HUNK: variants seen among roughly 807,000 people sequenced by gnomAD.
The protein encoded by HUNK is hormonally up-regulated Neu-associated kinase.
In HUNK, 21 loss-of-function variants were observed where a neutral mutation model predicts 61.0. The observed-to-expected ratio is 0.34, with a 90% CI of 0.24 to 0.50. The LOEUF (loss-of-function observed/expected upper bound fraction) is 0.50. Among genes scored for constraint, HUNK ranks in the 20% least tolerant of loss-of-function variants. The probability of loss-of-function intolerance (pLI) is 0.98; values close to 1 mark genes in which losing one functional copy is unlikely to be tolerated. For missense variants in HUNK, 772 were observed against 945.7 expected, an observed-to-expected ratio of 0.82 and a Z score of 2.41; for synonymous variants, 371 against 386.1, an observed-to-expected ratio of 0.96 and a Z score of 0.46.
At chr21:31,965,598 T>TTC (rs1555880361) in intron 5 of HUNK, among the ~76,000 whole-genome samples, 5 of 148,606 alleles carry the variant, frequency 3.4e-5, no homozygotes, top group African/African-American at 1.3e-4. Context: ...GTTTTTCTTT[T>TTC]TTTTTTTTTT....
intron 1 of HUNK, among the ~76,000 whole-genome samples, chr21:31,908,115 G>A (rs1052504333): frequency 1.3e-5 from 2 of 152,058 alleles, no homozygotes; most frequent in African/African-American, 4.8e-5. Context: ...TTGTATAAAA[G>A]CATTTAAAGA....
In HUNK at chr21:31,873,497, G is replaced by C. The variant is rs950917434; in HGVS notation, c.-178G>C. 1.2e-5 allele frequency: 4 copies of C among 334,518 alleles called. No homozygotes were observed. Among genetic ancestry groups the C allele is most frequent in the African/African-American group, 8.9e-5 (4 of 44,732 alleles). The allele number at this position is 334,518 out of a possible 1,614,324, so 20.7% of individuals were successfully genotyped here. A position where few individuals can be genotyped will look rare whatever the true frequency, so the allele number is the denominator to read the frequency against. ...CCTGGGCAGCCGCTATTGTCTACGC[G>C]CCTCGCTGGGCGGCGCGGGGGGCGT... On this transcript the variant is annotated 5_prime_UTR_variant, in exon 1 of 11. Coordinates refer to ENST00000270112, the MANE Select transcript of HUNK (RefSeq NM_014586.2). This position sits in a 1 kb window ranked among gnomAD's most constrained non-coding sequence, Gnocchi z 6.1.
intron 7 of HUNK, among the ~76,000 whole-genome samples, chr21:31,977,030 C>T (rs1440164509): frequency 6.6e-6 from 1 of 152,112 alleles, no homozygotes; most frequent in Non-Finnish European, 1.5e-5. Flanking sequence ...CTTGGCCTCC[C>T]AAAGTGCTAG....
At chr21:31,922,043 T>G (rs377345039) in intron 1 of HUNK, among the ~76,000 whole-genome samples, 2 of 152,042 alleles carry the variant, frequency 1.3e-5, no homozygotes, top group African/African-American at 4.8e-5. Context: ...TGAGATGGAG[T>G]TTTGTTCTTG....
intron 3 of HUNK, among the ~76,000 whole-genome samples, chr21:31,943,678 A>T (rs115367575): frequency 4.9e-4 from 75 of 152,330 alleles, no homozygotes; most frequent in African/African-American, 1.7e-3. Context: ...GCTCAAGATA[A>T]GGCCAGACTG....
intron 2 of HUNK, among the ~76,000 whole-genome samples, chr21:31,932,752 C>T (rs1041231502): frequency 2.0e-5 from 3 of 152,012 alleles, no homozygotes; most frequent in African/African-American, 7.2e-5. Flanking sequence ...CACTGTCTCT[C>T]TAGTGGCCTC....
At chr21:31,997,648 A>G (rs1195201307) in intron 10 of HUNK, among the ~76,000 whole-genome samples, 1 of 152,224 alleles carries the variant, frequency 6.6e-6, no homozygotes, top group Non-Finnish European at 1.5e-5. Flanking sequence ...TTGATTCTAC[A>G]ACAGTGTGAA....
At chr21:31,939,399 GTTTTTTTTTTTT>G (rs398036365) in intron 2 of HUNK, among the ~76,000 whole-genome samples, 2 of 66,720 alleles carry the variant, frequency 3.0e-5, no homozygotes, top group Admixed American at 3.4e-4. Context: ...GCTTTCATGT[GTTTTTTTTTTTT>G]TTTTTTTTTT....
intron 1 of HUNK, among the ~76,000 whole-genome samples, chr21:31,910,714 C>T (rs529227296): frequency 1.3e-5 from 2 of 152,242 alleles, no homozygotes; most frequent in African/African-American, 4.8e-5. Context: ...GTCTCGAACT[C>T]CCAACCTCAG....
chr21:32,002,767 C>T lies in HUNK; in HGVS notation c.*3583C>T, dbSNP rs894849975. ...GCTTCCTTCATAACTGTTCACAAAACGTTTTTCATATATACCACCTTGTTT... is the reference window on the plus strand; with the variant it reads ...GCTTCCTTCATAACTGTTCACAAAATGTTTTTCATATATACCACCTTGTTT... On this transcript the variant is annotated 3_prime_UTR_variant, in exon 11 of 11. Coordinates refer to ENST00000270112, the MANE Select transcript of HUNK (RefSeq NM_014586.2). 45 of 152,154 alleles carry T rather than the reference C, an allele frequency of 3.0e-4. No individual in the cohort carries two copies. Among genetic ancestry groups the T allele is most frequent in the African/African-American group, 1.0e-3 (43 of 41,424 alleles). 9.4% of individuals were successfully genotyped at this position (152,154 alleles called of 1,614,324 possible). A position where few individuals can be genotyped will look rare whatever the true frequency, so the allele number is the denominator to read the frequency against.
At chr21:31,916,074 G>A (rs1163755848) in intron 1 of HUNK, among the ~76,000 whole-genome samples, 1 of 97,822 alleles carries the variant, frequency 1.0e-5, no homozygotes, top group Non-Finnish European at 1.8e-5. Context: ...TTTTTGAGAC[G>A]GAGTCTCGCT....
In HUNK at chr21:31,891,520, A is replaced by G. The variant is rs192818753; in HGVS notation, c.261+17585A>G. On this transcript the variant is annotated intron_variant, in intron 1 of 10. Coordinates refer to ENST00000270112, the MANE Select transcript of HUNK (RefSeq NM_014586.2). ...TACATTTAATAATACTGTTAAATGT[A>G]TTATTGCACATCTGTTTACACATCC... Among the ~76,000 whole-genome samples the G allele has an allele frequency of 2.0e-5, 3 of 152,388 alleles. No homozygotes were observed. In the East Asian group the frequency reaches 5.8e-4, roughly 29 times the overall value.
chr21:31,932,052 T>C (rs555380307), intron 2 of HUNK, among the ~76,000 whole-genome samples: 1 of 151,902 alleles, frequency 6.6e-6, no homozygotes, highest in Non-Finnish European at 1.5e-5. Flanking sequence ...TGCACATGCA[T>C]GCACACACCC....
chr21:31,891,008 G>A (rs1435685152), intron 1 of HUNK, among the ~76,000 whole-genome samples: 1 of 152,030 alleles, frequency 6.6e-6, no homozygotes, highest in Non-Finnish European at 1.5e-5. Flanking sequence ...AAATTTGACG[G>A]TTTAATTAGC....
chr21:31,919,512 T>G (rs1273481325), intron 1 of HUNK, among the ~76,000 whole-genome samples: 1 of 152,140 alleles, frequency 6.6e-6, no homozygotes, highest in Non-Finnish European at 1.5e-5. Context: ...GCTGTGATAA[T>G]GAGGTCTAGA....
chr21:31,917,695 TACAC>T (rs3056146), intron 1 of HUNK, among the ~76,000 whole-genome samples: 9,501 of 94,658 alleles, frequency 0.1, 319 homozygotes, highest in Middle Eastern at 0.18. Flanking sequence ...TTCCCAAACA[TACAC>T]ACACACACAC....
At chr21:31,979,744 T>C (rs1025922821) in intron 7 of HUNK, among the ~76,000 whole-genome samples, 1 of 151,908 alleles carries the variant, frequency 6.6e-6, no homozygotes, top group Non-Finnish European at 1.5e-5. Flanking sequence ...CTCAATCTCC[T>C]GACCTCGTGA....
intron 4 of HUNK, among the ~76,000 whole-genome samples, chr21:31,955,586 G>A (rs1035022502): frequency 3.3e-5 from 5 of 152,290 alleles, no homozygotes; most frequent in East Asian, 1.9e-4. Context: ...GCGAGACTCC[G>A]TCTCAAAAAA....
chr21:31,908,043 G>A (rs2052519072), intron 1 of HUNK, among the ~76,000 whole-genome samples: 2 of 152,098 alleles, frequency 1.3e-5, no homozygotes, highest in Admixed American at 6.5e-5. Flanking sequence ...TGTTTTTACC[G>A]CAATAAAAAA....
Sources: allele counts gnomAD v4.1 joint callset (sites outside exome capture counted in the v4.1 genomes callset), GRCh38; gene constraint gnomAD v4.1.1; non-coding constraint Gnocchi (gnomAD v3.1); transcripts MANE v1.5; gene names NCBI Gene and HGNC (gene_info 2026-07-23, HGNC 2026-07-21).